Variants in KIF26A observed in about 807,000 individuals in gnomAD.
KIF26A encodes kinesin family member 26A.
KIF26A carries 74 observed loss-of-function variants against 126.0 expected under a neutral mutation model. The observed-to-expected ratio is 0.59, with a 90% CI of 0.49 to 0.71. The LOEUF is 0.71. Among genes scored for constraint, KIF26A ranks in the 30% least tolerant of loss-of-function variants. The probability of loss-of-function intolerance (pLI) is 0.00; values close to 1 mark genes in which losing one functional copy is unlikely to be tolerated. For synonymous variants in KIF26A, 1,445 were observed against 1,232.7 expected (o/e 1.17, Z -3.61); for missense variants, 2,984 against 2,763.3 (o/e 1.08, Z -1.79).
At position 104,173,053 on chromosome 14, in the gene KIF26A, C is replaced by G. The variant is rs779742072; in HGVS notation, c.1497C>G (p.Leu499=). 6.2e-6 allele frequency: 10 copies of G among 1,606,596 alleles called. No individual in the cohort carries two copies. Among genetic ancestry groups the G allele is most frequent in the Non-Finnish European group, 8.5e-6 (10 of 1,177,512 alleles). Residue 499 remains leucine, a synonymous_variant, in exon 8 of 15, where the codon CTC becomes CTG. Transcript: ENST00000423312. ...LGIVPCAISW[L]FRLIEERRER... ...TCGTGCCCTGCGCCATCTCCTGGCT[C>G]TTCAGGCTCATCGAGGAGCGCAGGG...
At position 104,176,764 on chromosome 14, in the gene KIF26A, C is replaced by T; in HGVS notation, c.3976C>T (p.Pro1326Ser). Reference protein sequence around the residue: ...TTPAVSWGDAPTEVVACSGSL... With the variant: ...TTPAVSWGDASTEVVACSGSL... ...GCCAGCTGTGTCCTGGGGAGATGCT[C>T]CCACGGAGGTGGTGGCCTGCTCGGG... The change falls in exon 12 of 15, where the codon CCC (proline) becomes TCC (serine). Residue 1326 changes from proline (P) to serine (S), a missense_variant. By Grantham distance (74) the Pro-to-Ser change is moderately conservative. Transcript: ENST00000423312. 1 of 1,582,696 alleles carries T rather than the reference C, an allele frequency of 6.3e-7. No individual in the cohort carries two copies. Among genetic ancestry groups the T allele is most frequent in the African/African-American group, 1.3e-5 (1 of 74,462 alleles).
intron 3 of KIF26A, among the ~76,000 whole-genome samples, chr14:104,154,602 G>C (rs8013778): frequency 0.88 from 134,188 of 152,308 alleles, 59,615 homozygotes; most frequent in Non-Finnish European, 0.95. Context: ...TGTGCCCCAC[G>C]CCTCCTGCCC....
At chr14:104,172,937 C>T (rs776992161) in intron 7 of KIF26A, 40 bp from the exon 8 acceptor site, 9 of 1,534,644 alleles carry the variant, frequency 5.9e-6, no homozygotes, top group Admixed American at 1.9e-5. Context: ...AGGCTCCTTG[C>T]GTGGTGTGTG....
intron 5 of KIF26A, among the ~76,000 whole-genome samples, chr14:104,167,769 G>C (rs781272942): frequency 2.0e-5 from 3 of 152,180 alleles, no homozygotes; most frequent in Non-Finnish European, 4.4e-5. Flanking sequence ...ACACAGCTCT[G>C]TGTGTGCCCC....
rs768061939 is a variant in KIF26A at position 104,172,640 on chromosome 14, C to T, written c.1392C>T (p.Cys464=). The T allele has an allele frequency of 3.3e-5, 54 of 1,613,076 alleles. No homozygotes were observed. In the South Asian group the frequency reaches 5.2e-4, roughly 15 times the overall value. Residue 464 remains cysteine (C), a synonymous_variant, in exon 7 of 15, where the codon TGC becomes TGT. Coordinates refer to ENST00000423312, the MANE Select transcript of KIF26A (RefSeq NM_015656.2). ...CGGTGGTCAGTGGGGCTGATGGCTG[C>T]ATTTTTTCCTTTGGCCACATGAGCC... ...LQSVVSGADG[C]IFSFGHMSLG...
intron 12 of KIF26A, 95 bp downstream of exon 12, chr14:104,177,993 G>T: frequency 2.3e-6 from 3 of 1,298,458 alleles, no homozygotes; most frequent in Non-Finnish European, 3.0e-6. Flanking sequence ...GGAGATGCTG[G>T]ACAGATGGGC....
chr14:104,179,567 G>A (rs537567119), intron 14 of KIF26A, 42 bp from the exon 15 acceptor site: 444 of 1,468,802 alleles, frequency 3.0e-4, no homozygotes, highest in Non-Finnish European at 3.7e-4. Context: ...CCCCAGCCTC[G>A]GGCCTGACGC....
rs1470013246 is a variant in KIF26A, at chr14:104,167,049, G to C, written c.1113+1G>C. 1 of 1,542,494 alleles carries C rather than the reference G, an allele frequency of 6.5e-7. No individual in the cohort carries two copies. Among genetic ancestry groups the C allele is most frequent in the Non-Finnish European group, 8.8e-7 (1 of 1,142,716 alleles). Reference sequence around the variant, plus strand: ...GGACAACCCTGGCAGCATCGGGAAGGTAGACGCAGCCCCGAGTTCGGGGCC... The same window carrying C: ...GGACAACCCTGGCAGCATCGGGAAGCTAGACGCAGCCCCGAGTTCGGGGCC... On this transcript the variant is annotated splice_donor_variant, in intron 5 of 14. Coordinates refer to ENST00000423312, the MANE Select transcript of KIF26A (RefSeq NM_015656.2). LOFTEE classifies it high-confidence loss of function.
chr14:104,179,900 G>C lies in KIF26A; in HGVS notation c.*110G>C. The C allele has an allele frequency of 8.6e-7, 1 of 1,159,432 alleles. No homozygotes were observed. The highest frequency in any genetic ancestry group is 1.2e-6 in the Non-Finnish European group (1 of 846,578). The allele number at this position is 1,159,432 out of a possible 1,614,324, so 71.8% of individuals were successfully genotyped here. A position where few individuals can be genotyped will look rare whatever the true frequency, so the allele number is the denominator to read the frequency against. On this transcript the variant is annotated 3_prime_UTR_variant, in exon 15 of 15. Transcript: ENST00000423312. ...GGGGGGAGGATGCGGAGGGGTTTCT[G>C]TGCAGGACGGGAGTCTCAGAGAGGA... is the stretch of plus-strand genomic sequence containing the variant.
chr14:104,179,060 G>A (rs920116834), intron 13 of KIF26A, among the ~76,000 whole-genome samples, 176 bp from the exon 14 acceptor site: 4 of 152,138 alleles, frequency 2.6e-5, no homozygotes, highest in Non-Finnish European at 4.4e-5. Flanking sequence ...GCCGAGCCAG[G>A]ACCCAGACGG....
In KIF26A at chr14:104,156,902, C is replaced by T. The variant is rs374734338; in HGVS notation, c.736-853C>T. ...CGACTGGACACTTGGGGCCGAATGA[C>T]GCTTGGCACCTGGGTGACCGTGACC... On this transcript the variant is annotated intron_variant, in intron 3 of 14. Transcript: ENST00000423312. Among the ~76,000 whole-genome samples the T allele has an allele frequency of 8.8e-4, 134 of 152,288 alleles. No individual in the cohort carries two copies. The East Asian group carries it at 0.01, about 12-fold the overall frequency.
At position 104,152,139 on chromosome 14, in the gene KIF26A, A is replaced by G; in HGVS notation, c.413A>G (p.Glu138Gly). The G allele has an allele frequency of 6.2e-7, 1 of 1,611,456 alleles. No homozygotes were observed. Among genetic ancestry groups the G allele is most frequent in the Admixed American group, 1.7e-5 (1 of 59,932 alleles). Residue 138 changes from glutamate (E) to glycine (G), a missense_variant, in exon 3 of 15, where the codon GAG becomes GGG. Transcript: ENST00000423312. The surrounding 1 kb of genome is among the most constrained non-coding windows in gnomAD (Gnocchi z 5.9). ...CATHLQQLTR[E>G]AMHLLQAPAS... ...ACACACCTGCAGCAGCTCACACGGGAGGCCATGCACCTGCTGCAGGCCCCT... is the reference window on the plus strand; with the variant it reads ...ACACACCTGCAGCAGCTCACACGGGGGGCCATGCACCTGCTGCAGGCCCCT...
chr14:104,144,048 C>T (rs2037660271), intron 2 of KIF26A, among the ~76,000 whole-genome samples: 1 of 152,236 alleles, frequency 6.6e-6, no homozygotes, highest in South Asian at 2.1e-4. Flanking sequence ...CCCAGCCTCG[C>T]TGTGCAGCCT....
At chr14:104,161,863 A>G (rs2037835749) in intron 4 of KIF26A, among the ~76,000 whole-genome samples, 1 of 152,062 alleles carries the variant, frequency 6.6e-6, no homozygotes. Context: ...TGCTTTTCTG[A>G]GTCTTCCCTT....
chr14:104,173,526 C>T lies in KIF26A; in HGVS notation c.1867+13C>T. ...GGCCGGGGAGGAAGTAGGTGCCACA[C>T]CCGCACTCCCGGGCCCCTGTGGGAT... is the stretch of plus-strand genomic sequence containing the variant. On this transcript the variant is annotated intron_variant, in intron 9 of 14. Transcript: ENST00000423312. The T allele has an allele frequency of 6.5e-7, 1 of 1,538,566 alleles. No individual in the cohort carries two copies. Among genetic ancestry groups the T allele is most frequent in the Non-Finnish European group, 8.8e-7 (1 of 1,138,948 alleles).
intron 4 of KIF26A, 141 bp from the exon 5 acceptor site, chr14:104,166,718 T>G (rs1596144079): frequency 5.0e-6 from 4 of 795,632 alleles, no homozygotes; most frequent in South Asian, 1.9e-5. Flanking sequence ...AGTGCAGGCC[T>G]CCCAGCCACA....
chr14:104,157,260 G>A (rs963963028), intron 3 of KIF26A, among the ~76,000 whole-genome samples: 2 of 152,146 alleles, frequency 1.3e-5, no homozygotes, highest in Middle Eastern at 3.2e-3. Flanking sequence ...TCAGATGAGG[G>A]AGCGCCACAC....
At chr14:104,160,548 G>A (rs947176362) in intron 4 of KIF26A, among the ~76,000 whole-genome samples, 5 of 152,224 alleles carry the variant, frequency 3.3e-5, no homozygotes, top group African/African-American at 7.2e-5. Flanking sequence ...TTGAGGCAGC[G>A]CAGCTGTGAC....
intron 4 of KIF26A, among the ~76,000 whole-genome samples, chr14:104,161,154 TTGGAGGGG>T (rs2141103327): frequency 1.3e-5 from 2 of 152,156 alleles, no homozygotes; most frequent in South Asian, 4.1e-4. Flanking sequence ...GGGCTGGGAG[TTGGAGGGG>T]CTGATGCCTC....
Sources: gnomAD v4.1 joint callset for allele counts (sites outside exome capture counted in the v4.1 genomes callset) on GRCh38, gnomAD v4.1.1 for gene constraint, Gnocchi (gnomAD v3.1) non-coding constraint, MANE v1.5 for transcripts, NCBI Gene and HGNC (gene_info 2026-07-23, HGNC 2026-07-21) for gene names.